The following FEM1C variants were observed in gnomAD, a reference collection of about 807,000 sequenced individuals.
FEM1C encodes the protein protein fem-1 homolog C.
Under a neutral mutation model 37.6 loss-of-function variants are expected in FEM1C, and 15 were observed. That is an observed-to-expected ratio of 0.40 (90% CI 0.27 to 0.61). The LOEUF is 0.61. Among genes scored for constraint, FEM1C ranks in the 20% least tolerant of loss-of-function variants. The pLI is 0.42. For synonymous variants in FEM1C, 287 were observed against 272.8 expected, an observed-to-expected ratio of 1.05 and a Z score of -0.51; for missense variants, 532 against 749.7, an observed-to-expected ratio of 0.71 and a Z score of 3.39.
rs1753780094 is a variant in FEM1C, at chr5:115,521,727, T to G, written c.*2581A>C. The G allele has an allele frequency of 6.6e-6, 1 of 151,798 alleles. No individual in the cohort carries two copies. The highest frequency in any genetic ancestry group is 1.5e-5 in the Non-Finnish European group (1 of 67,790). 9.4% of individuals were successfully genotyped at this position (151,798 alleles called of 1,614,324 possible). A position where few individuals can be genotyped will look rare whatever the true frequency, so the allele number is the denominator to read the frequency against. On this transcript the variant is annotated 3_prime_UTR_variant, in exon 3 of 3. Transcript: ENST00000274457. Reference sequence around the variant, plus strand: ...GTAATTGGTTCATTATTAAATTTACTCATCTGTGGTTCAAAAAATAACACA... The same window carrying G: ...GTAATTGGTTCATTATTAAATTTACGCATCTGTGGTTCAAAAAATAACACA...
chr5:115,529,639 T>C (rs1753975467), intron 2 of FEM1C, among the ~76,000 whole-genome samples: 1 of 152,000 alleles, frequency 6.6e-6, no homozygotes, highest in Non-Finnish European at 1.5e-5. Context: ...TCTAAATAAA[T>C]ACTGATTTTA....
chr5:115,544,326 C>T (rs905758508), intron 1 of FEM1C, among the ~76,000 whole-genome samples, 197 bp downstream of exon 1: 2 of 151,978 alleles, frequency 1.3e-5, no homozygotes, highest in South Asian at 4.2e-4. Context: ...ACAACCTTCC[C>T]CTCTCCCTGT....
rs1205081121 is a variant in FEM1C at position 115,522,067 on chromosome 5, A to T, written c.*2241T>A. The T allele has an allele frequency of 2.6e-5, 4 of 151,834 alleles. No homozygotes were observed. Among genetic ancestry groups the T allele is most frequent in the African/African-American group, 9.7e-5 (4 of 41,392 alleles). 9.4% of individuals were successfully genotyped at this position (151,834 alleles called of 1,614,324 possible). ...TTTACACAGGAGTTGCACAATTCAA[A>T]TTCTGCTGCAAAACAGTGAGATGTG... is the stretch of plus-strand genomic sequence containing the variant. On this transcript the variant is annotated 3_prime_UTR_variant, in exon 3 of 3. Coordinates refer to ENST00000274457, the MANE Select transcript of FEM1C (RefSeq NM_020177.3).
intron 2 of FEM1C, among the ~76,000 whole-genome samples, chr5:115,532,137 G>C (rs945809508): frequency 6.6e-6 from 1 of 151,902 alleles, no homozygotes; most frequent in Non-Finnish European, 1.5e-5. Flanking sequence ...AGAATGCCTG[G>C]TGAATAAATA....
Position 115,543,139 on chromosome 5 carries a change from GA to G in FEM1C, c.354del (p.Pro119LeufsTer13). 1 of 1,614,234 alleles carries G rather than the reference GA, an allele frequency of 6.2e-7. No individual in the cohort carries two copies. Among genetic ancestry groups the G allele is most frequent in the Non-Finnish European group, 8.5e-7 (1 of 1,180,036 alleles). ...CCATCGAAACACGCAGCTCGAAGAG[GA>G]GTTGAATTGGTTAAAGTCGTGTTGT... ...SVNNTTLTNS[T>X]PLRAACFDGH... On this transcript the variant is annotated frameshift_variant, in exon 2 of 3. Coordinates refer to ENST00000274457, the MANE Select transcript of FEM1C (RefSeq NM_020177.3). LOFTEE classifies it high-confidence loss of function.
At position 115,543,551 on chromosome 5, in the gene FEM1C, ACTCT is replaced by A. The variant is rs1357255110; in HGVS notation, c.-62_-59del. On this transcript the variant is annotated 5_prime_UTR_variant, in exon 2 of 3. Coordinates refer to ENST00000274457, the MANE Select transcript of FEM1C (RefSeq NM_020177.3). ...TCTTTCAAAGCAGAGCTCCAGTTTA[ACTCT>A]ATCGACACAGGCAAGAGTCACAGGA... The A allele has an allele frequency of 5.2e-6, 8 of 1,528,054 alleles. No individual in the cohort carries two copies. In the African/African-American group the frequency reaches 8.3e-5, roughly 16 times the overall value. The allele number at this position is 1,528,054 out of a possible 1,614,324, so 94.7% of individuals were successfully genotyped here.
chr5:115,529,910 C>CA (rs944470963), intron 2 of FEM1C, among the ~76,000 whole-genome samples: 8 of 151,506 alleles, frequency 5.3e-5, no homozygotes, highest in African/African-American at 1.9e-4. Context: ...CCAAAAGTGG[C>CA]AAAAAAGAAG....
chr5:115,532,579 T>C (rs1754039493), intron 2 of FEM1C, among the ~76,000 whole-genome samples: 1 of 152,064 alleles, frequency 6.6e-6, no homozygotes, highest in Non-Finnish European at 1.5e-5. Flanking sequence ...ATTATAACTT[T>C]TGTGTCATTT....
At chr5:115,534,870 A>G in intron 2 of FEM1C, among the ~76,000 whole-genome samples, 1 of 151,954 alleles carries the variant, frequency 6.6e-6, no homozygotes, top group Non-Finnish European at 1.5e-5. Context: ...CTGGTCCTTG[A>G]GTAGCAAGAA....
chr5:115,528,261 TAAC>T (rs1480329818), intron 2 of FEM1C, among the ~76,000 whole-genome samples: 5 of 151,942 alleles, frequency 3.3e-5, no homozygotes, highest in Admixed American at 3.3e-4. Context: ...ATTTAAGACA[TAAC>T]AAGGGGACAA....
chr5:115,544,186 T>C, intron 1 of FEM1C: 2 of 985,100 alleles, frequency 2.0e-6, no homozygotes, highest in Non-Finnish European at 2.4e-6. Flanking sequence ...CTCTTTCCTT[T>C]AAAACTACTC....
chr5:115,530,570 T>A (rs1375831816), intron 2 of FEM1C, among the ~76,000 whole-genome samples: 1 of 152,034 alleles, frequency 6.6e-6, no homozygotes, highest in Admixed American at 6.6e-5. Context: ...TAGAAAACAA[T>A]TTTGCCCCCA....
chr5:115,528,248 A>C (rs1753945583), intron 2 of FEM1C, among the ~76,000 whole-genome samples: 1 of 152,176 alleles, frequency 6.6e-6, no homozygotes, highest in Non-Finnish European at 1.5e-5. Context: ...TCTGCTTGAC[A>C]GGATTTAAGA....
At chr5:115,528,816 A>G (rs1170355563) in intron 2 of FEM1C, among the ~76,000 whole-genome samples, 1 of 152,158 alleles carries the variant, frequency 6.6e-6, no homozygotes, top group Non-Finnish European at 1.5e-5. Context: ...ACAGATTTTC[A>G]AATAATAACT....
chr5:115,543,311 T>A lies in FEM1C; in HGVS notation c.183A>T (p.Leu61=). The A allele has an allele frequency of 6.2e-7, 1 of 1,614,198 alleles. No individual in the cohort carries two copies. The highest frequency in any genetic ancestry group is 8.5e-7 in the Non-Finnish European group (1 of 1,180,026). ...CTTCTATGGAGGCACTGCATTGCTC[T>A]AGGAGGAATTCCACCATGTCAAGGT... is the stretch of plus-strand genomic sequence containing the variant. ...YGHLDMVEFL[L]EQCSASIEVG... Residue 61 remains leucine (L), a synonymous_variant, in exon 2 of 3, where the codon CTA becomes CTT. Coordinates refer to ENST00000274457, the MANE Select transcript of FEM1C (RefSeq NM_020177.3).
At position 115,524,617 on chromosome 5, in the gene FEM1C, T is replaced by C. The variant is rs751885318; in HGVS notation, c.1545A>G (p.Ile515Met). The C allele has an allele frequency of 1.9e-6, 3 of 1,604,504 alleles. No homozygotes were observed. Among genetic ancestry groups the C allele is most frequent in the Admixed American group, 1.7e-5 (1 of 58,686 alleles). ...TGACGTTCACATCAGCACCACATTCTATCAGTATTGCAGTAACTTGTAGAG... is the reference window on the plus strand; with the variant it reads ...TGACGTTCACATCAGCACCACATTCCATCAGTATTGCAGTAACTTGTAGAG... ...FPSLQVTAIL[I>M]ECGADVNVRD... is the part of the protein sequence containing the mutation. The change falls in exon 3 of 3, where the codon ATA becomes ATG. Residue 515 changes from isoleucine (I) to methionine (M), a missense_variant. Ile to Met is a conservative substitution (Grantham distance 10, BLOSUM62 1). This residue lies in a region of FEM1C where 237 missense variants were observed against 260.5 expected (regional missense o/e 0.91). Transcript: ENST00000274457.
chr5:115,535,027 TTGTATCA>T (rs1754095291), intron 2 of FEM1C, among the ~76,000 whole-genome samples: 4 of 151,806 alleles, frequency 2.6e-5, no homozygotes, highest in African/African-American at 9.7e-5. Context: ...AGAAATAAAA[TTGTATCA>T]TTCCTCTTTA....
Position 115,524,585 on chromosome 5 carries a change from G to A in FEM1C, c.1577C>T (p.Ser526Leu), listed in dbSNP as rs140337712. The change falls in exon 3 of 3, where the codon TCG becomes TTG. Residue 526 changes from serine (S) to leucine (L), a missense_variant. Transcript: ENST00000274457. ...ECGADVNVRD[S>L]DDNSPLHIAA... The stretch of plus-strand genomic sequence containing the variant: ...GATATGCAGGGGACTGTTGTCATCC[G>A]AGTCTCTGACGTTCACATCAGCACC... 33 of 1,612,312 alleles carry A rather than the reference G, an allele frequency of 2.0e-5. No individual in the cohort carries two copies. The highest frequency in any genetic ancestry group is 2.5e-5 in the Non-Finnish European group (29 of 1,179,274).
In FEM1C at chr5:115,524,201, T is replaced by A. The variant is rs1226564832; in HGVS notation, c.*107A>T. On this transcript the variant is annotated 3_prime_UTR_variant, in exon 3 of 3. Transcript: ENST00000274457. The stretch of plus-strand genomic sequence containing the variant: ...AATGCTTTAGCCAATGAGAGCACAA[T>A]GATATCAATCAAGCTAAATGAATGC... 10 of 858,720 alleles carry A rather than the reference T, an allele frequency of 1.2e-5. No individual in the cohort carries two copies. Among genetic ancestry groups the A allele is most frequent in the Non-Finnish European group, 1.8e-5 (10 of 544,126 alleles). 53.2% of individuals were successfully genotyped at this position (858,720 alleles called of 1,614,324 possible).
Sources: allele counts gnomAD v4.1 joint callset (sites outside exome capture counted in the v4.1 genomes callset), GRCh38; gene constraint gnomAD v4.1.1; regional missense constraint gnomAD v4.1.1; transcripts MANE v1.5; gene names NCBI Gene and HGNC (gene_info 2026-07-23, HGNC 2026-07-21).